Variants in BRSK1 observed in about 807,000 individuals in gnomAD.
BRSK1 encodes the protein BR serine/threonine kinase 1.
A neutral mutation model predicts 86.2 loss-of-function variants in BRSK1; 17 were observed. The observed-to-expected ratio is 0.20, with a 90% CI of 0.14 to 0.30. The LOEUF (loss-of-function observed/expected upper bound fraction) is 0.30, where lower values mean the gene tolerates loss of function less well. BRSK1 is among the 10% of genes least tolerant of loss of function. The pLI is 1.00. For synonymous variants in BRSK1, 464 were observed against 440.1 expected, an observed-to-expected ratio of 1.05 and a Z score of -0.68; for missense variants, 719 against 1,071.9, an observed-to-expected ratio of 0.67 and a Z score of 4.60.
chr19:55,311,979 C>A lies in BRSK1; in HGVS notation c.2248C>A (p.Arg750Ser). The change falls in exon 19 of 19, where the codon CGC becomes AGC. Residue 750 changes from arginine to serine, a missense_variant. Arg to Ser is a moderately radical substitution (Grantham distance 110). Around this residue, in one of 6 missense-constraint regions of BRSK1, gnomAD observed 82 missense variants for 72.6 expected, o/e 1.13. Transcript: ENST00000309383. ...CCGAAGCCTGCAGCCCCCACCCGGC[C>A]GCCCAGACCCAGAGCTGAGCAGCTC... ...PPRSLQPPPG[R>S]PDPELSSSPR... 2 of 1,586,466 alleles carry A rather than the reference C, an allele frequency of 1.3e-6. No homozygotes were observed. The highest frequency in any genetic ancestry group is 8.6e-7 in the Non-Finnish European group (1 of 1,166,254).
In BRSK1 at chr19:55,302,354, G is replaced by C. The variant is rs1174206893; in HGVS notation, c.857+186G>C. ...AGGAGTCTAGGGGTCAGAGGCAGGA[G>C]GGGCTAAGCTAGGAGTCCAGGACTC... On this transcript the variant is annotated intron_variant, in intron 9 of 18. Coordinates refer to ENST00000309383, the MANE Select transcript of BRSK1 (RefSeq NM_032430.2). The surrounding 1 kb of genome is among the most constrained non-coding windows in gnomAD (Gnocchi z 6.3). 1 of 719,074 alleles carries C rather than the reference G, an allele frequency of 1.4e-6. No individual in the cohort carries two copies. Among genetic ancestry groups the C allele is most frequent in the African/African-American group, 1.8e-5 (1 of 57,080 alleles). 44.5% of individuals were successfully genotyped at this position (719,074 alleles called of 1,614,324 possible).
rs1001936740 is a variant in BRSK1 at position 55,306,170 on chromosome 19, G to A, written c.1891-82G>A. The A allele has an allele frequency of 1.8e-5, 25 of 1,423,314 alleles. No individual in the cohort carries two copies. Among genetic ancestry groups the A allele is most frequent in the East Asian group, 4.7e-5 (2 of 42,420 alleles). 88.2% of individuals were successfully genotyped at this position (1,423,314 alleles called of 1,614,324 possible). ...TTCCCTCCAGTGGCTCATGGGACTC[G>A]TAGTTCCTTGGCCAGAGCTGGTCGT... On this transcript the variant is annotated intron_variant, in intron 16 of 18. Transcript: ENST00000309383. This position sits in a 1 kb window ranked among gnomAD's most constrained non-coding sequence, Gnocchi z 4.7.
chr19:55,295,995 A>G (rs1382023072), intron 7 of BRSK1, among the ~76,000 whole-genome samples: 2 of 152,062 alleles, frequency 1.3e-5, no homozygotes, highest in African/African-American at 4.8e-5. Context: ...GCCAGATCGT[A>G]GGCTATCAGC....
intron 7 of BRSK1, among the ~76,000 whole-genome samples, chr19:55,298,917 C>A (rs569314558): frequency 6.6e-6 from 1 of 152,278 alleles, no homozygotes; most frequent in South Asian, 2.1e-4. Context: ...ATGAGTTCCG[C>A]GTCAATGACA....
rs1249158068 is a variant in BRSK1 at position 55,302,142 on chromosome 19, G to A, written c.831G>A (p.Glu277=). The A allele has an allele frequency of 1.2e-6, 2 of 1,614,184 alleles. No homozygotes were observed. Among genetic ancestry groups the A allele is most frequent in the South Asian group, 1.1e-5 (1 of 91,090 alleles). The change falls in exon 9 of 19, where the codon GAG becomes GAA. Residue 277 remains glutamate, a synonymous_variant. Transcript: ENST00000309383. This position sits in a 1 kb window ranked among gnomAD's most constrained non-coding sequence, Gnocchi z 6.3. The stretch of plus-strand genomic sequence containing the variant: ...ACGACTCACCACCCTCACAGCTGGA[G>A]CAAATTCAGAAACATCCTTGGTACC... The part of the protein sequence containing the change: ...EVEPEKRLSL[E]QIQKHPWYLG...
intron 7 of BRSK1, among the ~76,000 whole-genome samples, chr19:55,297,233 C>T (rs1168814035): frequency 2.0e-5 from 3 of 151,922 alleles, no homozygotes; most frequent in East Asian, 2.0e-4. Flanking sequence ...TGTGCCACCA[C>T]GCCTGGCTAA....
At position 55,310,149 on chromosome 19, in the gene BRSK1, A is replaced by G. The variant is rs1256065457; in HGVS notation, c.2179+1421A>G. 3.3e-5 allele frequency among the ~76,000 whole-genome samples: 5 copies of G among 152,234 alleles called. No homozygotes were observed. Among genetic ancestry groups the G allele is most frequent in the African/African-American group, 1.2e-4 (5 of 41,470 alleles). Reference sequence around the variant, plus strand: ...TATGGCCGCCGTCAACAAATGACACAGCCTTGGTGGCTGAAACAACACAAG... The same window carrying G: ...TATGGCCGCCGTCAACAAATGACACGGCCTTGGTGGCTGAAACAACACAAG... On this transcript the variant is annotated intron_variant, in intron 18 of 18. Transcript: ENST00000309383. This position sits in a 1 kb window ranked among gnomAD's most constrained non-coding sequence, Gnocchi z 5.0.
rs576792006 is a variant in BRSK1 at position 55,288,681 on chromosome 19, G to C, written c.318-799G>C. Reference sequence around the variant, plus strand: ...GCTCACCACAACCTCCACCTCCTGGGTTCAAGTGATTCTCCTGCGTCAGCC... The same window carrying C: ...GCTCACCACAACCTCCACCTCCTGGCTTCAAGTGATTCTCCTGCGTCAGCC... On this transcript the variant is annotated intron_variant, in intron 3 of 18. Coordinates refer to ENST00000309383, the MANE Select transcript of BRSK1 (RefSeq NM_032430.2). Among the ~76,000 whole-genome samples the C allele has an allele frequency of 1.4e-3, 214 of 152,052 alleles. 1 individual carries two copies. Among genetic ancestry groups the C allele is most frequent in the African/African-American group, 4.8e-3 (200 of 41,488 alleles).
In BRSK1 at chr19:55,301,589, C is replaced by T. The variant is rs2088569572; in HGVS notation, c.756C>T (p.His252=). 2 of 1,613,612 alleles carry T rather than the reference C, an allele frequency of 1.2e-6. No individual in the cohort carries two copies. The highest frequency in any genetic ancestry group is 1.1e-5 in the South Asian group (1 of 90,914). The part of the protein sequence containing the change: ...KVKRGVFHMP[H]FIPPDCQSLL... ...AACGGGGCGTCTTCCACATGCCCCA[C>T]TTCATTCCTCCAGATTGCCAGAGCC... Residue 252 remains histidine, a synonymous_variant, in exon 8 of 19, where the codon CAC becomes CAT. Transcript: ENST00000309383.
Position 55,310,303 on chromosome 19 carries a change from C to T in BRSK1, c.2179+1575C>T, listed in dbSNP as rs76158884. Among the ~76,000 whole-genome samples the T allele has an allele frequency of 2.2e-3, 336 of 152,278 alleles. 4 individuals are homozygous for T. In the East Asian group the frequency reaches 0.045, roughly 20 times the overall value. On this transcript the variant is annotated intron_variant, in intron 18 of 18. Transcript: ENST00000309383. This position sits in a 1 kb window ranked among gnomAD's most constrained non-coding sequence, Gnocchi z 5.0. The stretch of plus-strand genomic sequence containing the variant: ...CCTTGTGTGTTCCAGTTCCTAGGCG[C>T]TCTGGTTAAGGCCCGTTCCTCCATC...
At position 55,284,298 on chromosome 19, in the gene BRSK1, A is replaced by G; in HGVS notation, c.-145A>G. ...CGCGGCCCGCCGACTGGGGGGGGCC[A>G]GCCCAGCCCCCTGGGGACCCCCGGA... On this transcript the variant is annotated 5_prime_UTR_variant, in exon 1 of 19. Transcript: ENST00000309383. The G allele has an allele frequency of 1.5e-6, 1 of 648,532 alleles. No homozygotes were observed. Among genetic ancestry groups the G allele is most frequent in the Non-Finnish European group, 2.2e-6 (1 of 460,246 alleles). 40.2% of individuals were successfully genotyped at this position (648,532 alleles called of 1,614,324 possible).
chr19:55,301,453 C>G (rs1190111827), intron 7 of BRSK1, 59 bp from the exon 8 acceptor site: 2 of 1,572,530 alleles, frequency 1.3e-6, no homozygotes, highest in African/African-American at 2.7e-5. Context: ...TCCCCACCTC[C>G]AGTGCTTGTG....
At chr19:55,291,509 G>A (rs1290454453) in intron 4 of BRSK1, among the ~76,000 whole-genome samples, 4 of 152,042 alleles carry the variant, frequency 2.6e-5, no homozygotes, top group African/African-American at 9.7e-5. Context: ...GTGAGACCCT[G>A]TCTCAAAAAA....
At position 55,284,019 on chromosome 19, in the gene BRSK1, G is replaced by C; in HGVS notation, c.-424G>C. 2 of 1,239,240 alleles carry C rather than the reference G, an allele frequency of 1.6e-6. No homozygotes were observed. The highest frequency in any genetic ancestry group is 2.0e-6 in the Non-Finnish European group (2 of 992,786). The allele number at this position is 1,239,240 out of a possible 1,614,324, so 76.8% of individuals were successfully genotyped here. A position where few individuals can be genotyped will look rare whatever the true frequency, so the allele number is the denominator to read the frequency against. On this transcript the variant is annotated 5_prime_UTR_variant, in exon 1 of 19. Coordinates refer to ENST00000309383, the MANE Select transcript of BRSK1 (RefSeq NM_032430.2). ...CCCGGATGGTGATGTCAGCGTGCCG[G>C]AGAGAAAGGACGAGGTGGCGGGGGG...
At chr19:55,298,209 C>CCT (rs2088517800) in intron 7 of BRSK1, among the ~76,000 whole-genome samples, 1 of 69,622 alleles carries the variant, frequency 1.4e-5, no homozygotes, top group Admixed American at 1.8e-4. Flanking sequence ...TTTGTTTCTT[C>CCT]TTTTTTTTTT....
Position 55,294,540 on chromosome 19 carries a change from C to T in BRSK1, c.678+143C>T, listed in dbSNP as rs941748508. On this transcript the variant is annotated intron_variant, in intron 7 of 18. Coordinates refer to ENST00000309383, the MANE Select transcript of BRSK1 (RefSeq NM_032430.2). The surrounding 1 kb of genome is among the most constrained non-coding windows in gnomAD (Gnocchi z 4.9). ...ATTTTGAGACAGAGTCTTGCCCCGT[C>T]GCCTAGGCTGGAGTGCAGTGGTGTG... The T allele has an allele frequency of 1.4e-4, 153 of 1,097,606 alleles. No individual in the cohort carries two copies. Among genetic ancestry groups the T allele is most frequent in the Non-Finnish European group, 1.9e-4 (147 of 777,780 alleles). The allele number at this position is 1,097,606 out of a possible 1,614,324, so 68.0% of individuals were successfully genotyped here. A position where few individuals can be genotyped will look rare whatever the true frequency, so the allele number is the denominator to read the frequency against.
chr19:55,286,980 C>T, intron 1 of BRSK1, 27 bp from the exon 2 acceptor site: 1 of 1,611,346 alleles, frequency 6.2e-7, no homozygotes, highest in African/African-American at 1.3e-5. Context: ...CGGCGGAACA[C>T]CCCACATTTT....
chr19:55,311,202 TCTGC>T (rs1169639128), intron 18 of BRSK1, among the ~76,000 whole-genome samples: 6 of 152,154 alleles, frequency 3.9e-5, no homozygotes, highest in African/African-American at 1.4e-4. Flanking sequence ...CCTCAAGTGA[TCTGC>T]CTGCCTCAGC....
Position 55,284,227 on chromosome 19 carries a change from C to T in BRSK1, c.-216C>T. On this transcript the variant is annotated 5_prime_UTR_variant, in exon 1 of 19. Transcript: ENST00000309383. ...CCGCAGCCCCCCTGGGCCATGCTGA[C>T]TCCCGGGGCCTGACCCCCCCGGGCC... 1 of 583,890 alleles carries T rather than the reference C, an allele frequency of 1.7e-6. No homozygotes were observed. Among genetic ancestry groups the T allele is most frequent in the Non-Finnish European group, 2.5e-6 (1 of 399,870 alleles). The allele number at this position is 583,890 out of a possible 1,614,324, so 36.2% of individuals were successfully genotyped here.
Sources: allele counts gnomAD v4.1 joint callset (sites outside exome capture counted in the v4.1 genomes callset), GRCh38; gene constraint gnomAD v4.1.1; regional missense constraint gnomAD v4.1.1; non-coding constraint Gnocchi (gnomAD v3.1); transcripts MANE v1.5; gene names NCBI Gene and HGNC (gene_info 2026-07-23, HGNC 2026-07-21).